TLK1: variants seen among roughly 807,000 people sequenced by gnomAD.
The protein encoded by TLK1 is serine/threonine-protein kinase tousled-like 1.
TLK1 carries 24 observed loss-of-function variants against 105.3 expected under a neutral mutation model. That is an observed-to-expected ratio of 0.23 (90% CI 0.17 to 0.32). The LOEUF is 0.32. Among genes scored for constraint, TLK1 ranks in the 10% least tolerant of loss-of-function variants. The probability of loss-of-function intolerance (pLI) is 1.00; values close to 1 mark genes in which losing one functional copy is unlikely to be tolerated. For synonymous variants in TLK1, 321 were observed against 310.4 expected, an observed-to-expected ratio of 1.03 and a Z score of -0.36; for missense variants, 558 against 910.5, an observed-to-expected ratio of 0.61 and a Z score of 4.98.
upstream of TLK1, chr2:171,160,999 C>T (rs1692478398): frequency 2.2e-5 from 3 of 135,014 alleles, no homozygotes; most frequent in Non-Finnish European, 4.1e-5. This position sits in a 1 kb window ranked among gnomAD's most constrained non-coding sequence, Gnocchi z 4.4. Context: ...CAGCGGCGGC[C>T]GCGGGAGCAG....
intron 1 of TLK1, among the ~76,000 whole-genome samples, chr2:171,219,452 T>C (rs909439445): frequency 6.6e-6 from 1 of 152,126 alleles, no homozygotes; most frequent in African/African-American, 2.4e-5. Flanking sequence ...GAAATGTATT[T>C]CTCATAGTTC....
At chr2:171,002,870 C>A (rs940673944) in intron 18 of TLK1, among the ~76,000 whole-genome samples, 3 of 151,852 alleles carry the variant, frequency 2.0e-5, no homozygotes, top group Admixed American at 2.0e-4. Context: ...CTCTCAGGCT[C>A]AAGTGATCTG....
intron 2 of TLK1, among the ~76,000 whole-genome samples, chr2:171,117,177 T>A (rs1411170477): frequency 1.3e-5 from 2 of 152,204 alleles, no homozygotes; most frequent in Non-Finnish European, 2.9e-5. Context: ...TATCAGGCAT[T>A]AGATTCTCAT....
chr2:171,191,569 C>G (rs934159344), intron 1 of TLK1, among the ~76,000 whole-genome samples: 1 of 152,126 alleles, frequency 6.6e-6, no homozygotes, highest in African/African-American at 2.4e-5. Flanking sequence ...CTGAGCCACA[C>G]CCTGAATTCA....
At chr2:171,193,645 C>T (rs1189585766) in intron 1 of TLK1, among the ~76,000 whole-genome samples, 2 of 150,954 alleles carry the variant, frequency 1.3e-5, no homozygotes, top group Non-Finnish European at 2.9e-5. Flanking sequence ...TCGTGATCCG[C>T]CCGCCTCAGC....
intron 14 of TLK1, among the ~76,000 whole-genome samples, chr2:171,010,642 AAAG>A (rs1684872549): frequency 6.7e-6 from 1 of 148,710 alleles, no homozygotes. Flanking sequence ...AAAAAAAAAG[AAAG>A]GCATAAAATA....
intron 8 of TLK1, among the ~76,000 whole-genome samples, chr2:171,053,505 G>T (rs968878073): frequency 4.6e-5 from 7 of 152,014 alleles, no homozygotes; most frequent in Non-Finnish European, 8.8e-5. Context: ...TGGCACTACA[G>T]GCACGCACCA....
At chr2:171,228,112 G>T (rs971383468) in intron 1 of TLK1, among the ~76,000 whole-genome samples, 1 of 152,174 alleles carries the variant, frequency 6.6e-6, no homozygotes, top group African/African-American at 2.4e-5. Flanking sequence ...GGAGGCAGAG[G>T]TTGCAGTGAG....
intron 1 of TLK1, among the ~76,000 whole-genome samples, chr2:171,182,897 G>C (rs1692950341): frequency 7.9e-6 from 1 of 126,196 alleles, no homozygotes; most frequent in African/African-American, 3.8e-5. Flanking sequence ...ACTCCAGCCT[G>C]GGTGACAGGT....
intron 1 of TLK1, among the ~76,000 whole-genome samples, chr2:171,187,972 T>C (rs189882535): frequency 8.5e-5 from 13 of 152,280 alleles, no homozygotes; most frequent in African/African-American, 2.4e-4. Flanking sequence ...GTATGACAGA[T>C]TATGAACTCT....
At chr2:171,173,659 G>A (rs1487027050) in intron 1 of TLK1, among the ~76,000 whole-genome samples, 1 of 152,074 alleles carries the variant, frequency 6.6e-6, no homozygotes, top group Non-Finnish European at 1.5e-5. Context: ...CCCAAAGCCT[G>A]GTATTATAGG....
intron 1 of TLK1, among the ~76,000 whole-genome samples, chr2:171,143,714 T>C (rs1446624062): frequency 6.6e-6 from 1 of 151,866 alleles, no homozygotes; most frequent in Non-Finnish European, 1.5e-5. Flanking sequence ...TTAAAATGAT[T>C]AAAGAAATTA....
At chr2:171,035,818 G>A (rs1421906010) in intron 11 of TLK1, among the ~76,000 whole-genome samples, 3 of 152,108 alleles carry the variant, frequency 2.0e-5, no homozygotes, top group South Asian at 2.1e-4. Flanking sequence ...CTATGAAGAC[G>A]GAAGGGGATC....
At chr2:171,151,291 T>C (rs1692024038) in intron 1 of TLK1, among the ~76,000 whole-genome samples, 1 of 151,936 alleles carries the variant, frequency 6.6e-6, no homozygotes. Flanking sequence ...AATGCCGGGA[T>C]TACAGGCATG....
At chr2:171,112,691 A>G (rs1690233709) in intron 2 of TLK1, among the ~76,000 whole-genome samples, 1 of 152,132 alleles carries the variant, frequency 6.6e-6, no homozygotes, top group South Asian at 2.1e-4. Flanking sequence ...GAACCAACAA[A>G]CCATTACAAC....
At chr2:171,157,290 G>T (rs1692276444) in intron 1 of TLK1, among the ~76,000 whole-genome samples, 1 of 152,122 alleles carries the variant, frequency 6.6e-6, no homozygotes, top group East Asian at 1.9e-4. Flanking sequence ...TACTTATCTA[G>T]CCAATATGAC....
At position 171,188,109 on chromosome 2, in the gene TLK1, C is replaced by T. The variant is rs189066577; in HGVS notation, c.-6+43036G>A. On this transcript the variant is annotated intron_variant, in intron 1 of 20. Coordinates refer to the TLK1 transcript ENST00000521943. ...CATGGTTCAAGGGTCAAGTGAAATT[C>T]ACTCATCCCTTATGTCAGATCTAGG... is the stretch of plus-strand genomic sequence containing the variant. 1.7e-3 allele frequency among the ~76,000 whole-genome samples: 260 copies of T among 152,294 alleles called. 3 individuals carry two copies. Among genetic ancestry groups the T allele is most frequent in the African/African-American group, 6.1e-3 (253 of 41,558 alleles).
At chr2:171,152,723 T>A (rs534840628) in intron 1 of TLK1, among the ~76,000 whole-genome samples, 1 of 152,168 alleles carries the variant, frequency 6.6e-6, no homozygotes, top group Non-Finnish European at 1.5e-5. Context: ...CCACAATAAA[T>A]AGACTGCTCC....
At chr2:171,182,133 A>C (rs570790130) in intron 1 of TLK1, among the ~76,000 whole-genome samples, 1 of 152,324 alleles carries the variant, frequency 6.6e-6, no homozygotes, top group East Asian at 1.9e-4. Flanking sequence ...TGGAAATCAC[A>C]CTGTCTGTGC....
Sources: allele counts gnomAD v4.1 joint callset (sites outside exome capture counted in the v4.1 genomes callset), GRCh38; gene constraint gnomAD v4.1.1; non-coding constraint Gnocchi (gnomAD v3.1); transcripts MANE v1.5; gene names NCBI Gene and HGNC (gene_info 2026-07-23, HGNC 2026-07-21).